Variants in ZBTB20 observed in about 807,000 individuals in gnomAD.
ZBTB20 encodes zinc finger and BTB domain-containing protein 20.
ZBTB20 carries 9 observed loss-of-function variants against 56.9 expected under a neutral mutation model. That is an observed-to-expected ratio of 0.16 (90% confidence interval 0.10 to 0.28). The LOEUF is 0.28. Ranked by LOEUF, ZBTB20 falls within the 10% of genes least tolerant of loss-of-function variation. ZBTB20 has a pLI of 1.00. For missense variants in ZBTB20, 655 were observed against 1,003.0 expected, an observed-to-expected ratio of 0.65 and a Z score of 4.69; for synonymous variants, 417 against 420.7, an observed-to-expected ratio of 0.99 and a Z score of 0.11.
chr3:115,038,499 A>G (rs941627009), intron 2 of ZBTB20, among the ~76,000 whole-genome samples: 2 of 152,156 alleles, frequency 1.3e-5, no homozygotes, highest in African/African-American at 4.8e-5. Flanking sequence ...TCATACTCTT[A>G]TGCAGTAAAT....
intron 5 of ZBTB20, among the ~76,000 whole-genome samples, chr3:114,731,826 ATTAGTAACTAATCCGGCTGTGCCTAGT>A (rs2065779836): frequency 4.0e-5 from 6 of 151,806 alleles, no homozygotes; most frequent in South Asian, 4.2e-4. Context: ...CTGTGCCTAG[ATTAGTAACTAATCCGGCTGTGCCTAGT>A]TTAGTAACTA....
At chr3:114,379,049 C>A (rs2084005261) in intron 10 of ZBTB20, 1 of 152,214 alleles carries the variant, frequency 6.6e-6, no homozygotes, top group Non-Finnish European at 1.5e-5. Context: ...AGCTCATTTC[C>A]CTCTCTTTAG....
intron 3 of ZBTB20, among the ~76,000 whole-genome samples, chr3:114,944,562 A>G (rs2076824531): frequency 6.9e-6 from 1 of 145,864 alleles, no homozygotes; most frequent in Non-Finnish European, 1.5e-5. Context: ...CACGATAGCT[A>G]AGATACGGAA....
At chr3:114,812,347 A>C (rs1006333623) in intron 4 of ZBTB20, among the ~76,000 whole-genome samples, 2 of 152,132 alleles carry the variant, frequency 1.3e-5, no homozygotes, top group Non-Finnish European at 2.9e-5. Flanking sequence ...CAGAGTGTCC[A>C]CACAAAGGTT....
intron 6 of ZBTB20, among the ~76,000 whole-genome samples, chr3:114,671,787 T>A (rs777900795): frequency 6.6e-6 from 1 of 152,104 alleles, no homozygotes; most frequent in Non-Finnish European, 1.5e-5. Context: ...ATAATTATTA[T>A]CCATACCTAA....
chr3:114,472,440 T>C (rs1406388500), intron 7 of ZBTB20, among the ~76,000 whole-genome samples: 1 of 152,202 alleles, frequency 6.6e-6, no homozygotes, highest in African/African-American at 2.4e-5. Context: ...GGGCGCGCAG[T>C]GGCTCATGCC....
At chr3:114,431,449 A>T (rs545648929) in intron 7 of ZBTB20, among the ~76,000 whole-genome samples, 2 of 152,338 alleles carry the variant, frequency 1.3e-5, no homozygotes, top group Non-Finnish European at 2.9e-5. Context: ...GCATGTTCAA[A>T]TGCAAGAAAA....
chr3:114,499,338 T>C (rs535832709), intron 7 of ZBTB20, among the ~76,000 whole-genome samples: 38 of 152,328 alleles, frequency 2.5e-4, no homozygotes, highest in African/African-American at 8.4e-4. Flanking sequence ...TCCCTAAATA[T>C]ATTTGCCACT....
chr3:114,415,290 A>G (rs976895154), intron 7 of ZBTB20, among the ~76,000 whole-genome samples: 5 of 152,146 alleles, frequency 3.3e-5, no homozygotes, highest in African/African-American at 1.2e-4. Context: ...TAAGAGAAAA[A>G]TGTCAGAAAT....
At chr3:114,593,503 G>A (rs980653199) in intron 6 of ZBTB20, among the ~76,000 whole-genome samples, 1 of 151,306 alleles carries the variant, frequency 6.6e-6, no homozygotes, top group African/African-American at 2.4e-5. Flanking sequence ...TCTTGCCTCA[G>A]CCTCCTGAGT....
intron 7 of ZBTB20, among the ~76,000 whole-genome samples, chr3:114,418,764 T>C (rs1411559674): frequency 6.6e-6 from 1 of 152,008 alleles, no homozygotes; most frequent in Non-Finnish European, 1.5e-5. Flanking sequence ...TCAATATAAT[T>C]ATAAGTGAAG....
chr3:115,118,188 T>G (rs2084076132), intron 1 of ZBTB20, among the ~76,000 whole-genome samples: 1 of 152,150 alleles, frequency 6.6e-6, no homozygotes, highest in Admixed American at 6.6e-5. Flanking sequence ...GTATTGTAGA[T>G]CTCTTTTTTA....
chr3:115,135,398 C>T (rs535298326), intron 1 of ZBTB20, among the ~76,000 whole-genome samples: 25 of 152,252 alleles, frequency 1.6e-4, no homozygotes, highest in Middle Eastern at 3.4e-3. Flanking sequence ...CAATAGTTTC[C>T]TCAGAAAGCA....
chr3:114,941,942 T>C (rs2076734288), intron 3 of ZBTB20, among the ~76,000 whole-genome samples: 1 of 146,088 alleles, frequency 6.8e-6, no homozygotes, highest in South Asian at 2.1e-4. Flanking sequence ...AGGAAAAAAA[T>C]TAACAAATCA....
chr3:114,361,057 ATATT>A (rs1472364810), intron 10 of ZBTB20, among the ~76,000 whole-genome samples: 1 of 152,042 alleles, frequency 6.6e-6, no homozygotes, highest in Non-Finnish European at 1.5e-5. Flanking sequence ...CTTTTGTATA[ATATT>A]TATTATATTA....
intron 5 of ZBTB20, among the ~76,000 whole-genome samples, chr3:114,719,543 A>C (rs2064758593): frequency 6.6e-6 from 1 of 152,052 alleles, no homozygotes; most frequent in Admixed American, 6.6e-5. Flanking sequence ...GTCTCCCTCC[A>C]GTATTGGGTT....
intron 1 of ZBTB20, among the ~76,000 whole-genome samples, chr3:115,087,670 T>C (rs2083038248): frequency 6.6e-6 from 1 of 151,900 alleles, no homozygotes; most frequent in African/African-American, 2.4e-5. Flanking sequence ...GCTGTGTAAC[T>C]GTAGGCAAGT....
At chr3:114,343,379 CAGG>C (rs1402080469) in intron 11 of ZBTB20, among the ~76,000 whole-genome samples, 1 of 152,146 alleles carries the variant, frequency 6.6e-6, no homozygotes, top group African/African-American at 2.4e-5. Flanking sequence ...ATGCTGTTAT[CAGG>C]AGATTTTTCA....
rs1266388233 is a variant in ZBTB20 at position 114,331,695 on chromosome 3, TG to T, written c.*7309del. On this transcript the variant is annotated 3_prime_UTR_variant, in exon 12 of 12. Transcript: ENST00000675478. ...GAAACGGATACATAGAAATTACTGATGGTTGGGCTCCTTCAGAATGCCCTAA... is the reference window on the plus strand; with the variant it reads ...GAAACGGATACATAGAAATTACTGATGTTGGGCTCCTTCAGAATGCCCTAA... The T allele has an allele frequency of 6.6e-6, 1 of 152,190 alleles. No individual in the cohort carries two copies. The highest frequency in any genetic ancestry group is 1.5e-5 in the Non-Finnish European group (1 of 68,026). The allele number at this position is 152,190 out of a possible 1,614,324, so 9.4% of individuals were successfully genotyped here.
Sources: gnomAD v4.1 joint callset for allele counts (sites outside exome capture counted in the v4.1 genomes callset) on GRCh38, gnomAD v4.1.1 for gene constraint, MANE v1.5 for transcripts, NCBI Gene and HGNC (gene_info 2026-07-23, HGNC 2026-07-21) for gene names.